Variants in ZBTB20 observed in about 807,000 individuals in gnomAD.
The protein encoded by ZBTB20 is zinc finger and BTB domain containing 20.
A neutral mutation model predicts 56.9 loss-of-function variants in ZBTB20; 9 were observed. The observed-to-expected ratio is 0.16, with a 90% CI of 0.10 to 0.28. The LOEUF is 0.28. Ranked by LOEUF, ZBTB20 falls within the 10% of genes least tolerant of loss-of-function variation. The probability of loss-of-function intolerance (pLI) is 1.00; values close to 1 mark genes in which losing one functional copy is unlikely to be tolerated. For synonymous variants in ZBTB20, 417 were observed against 420.7 expected (o/e 0.99, Z 0.11); for missense variants, 655 against 1,003.0 (o/e 0.65, Z 4.69).
At chr3:114,592,410 T>C (rs1465136371) in intron 6 of ZBTB20, among the ~76,000 whole-genome samples, 2 of 152,204 alleles carry the variant, frequency 1.3e-5, no homozygotes, top group African/African-American at 2.4e-5. Flanking sequence ...CTAGGATATT[T>C]CGTGGAATAA....
At chr3:114,482,965 A>T (rs2041720069) in intron 7 of ZBTB20, among the ~76,000 whole-genome samples, 1 of 152,200 alleles carries the variant, frequency 6.6e-6, no homozygotes, top group Non-Finnish European at 1.5e-5. Flanking sequence ...CCTGCAGCAC[A>T]AATATAGGCC....
At chr3:114,851,640 GTC>G (rs898479050) in intron 4 of ZBTB20, among the ~76,000 whole-genome samples, 18 of 151,838 alleles carry the variant, frequency 1.2e-4, no homozygotes, top group Non-Finnish European at 2.5e-4. Context: ...TTATTAGTGT[GTC>G]TCTTTTTTAT....
intron 4 of ZBTB20, among the ~76,000 whole-genome samples, chr3:114,877,084 T>G (rs2076226270): frequency 6.6e-6 from 1 of 152,212 alleles, no homozygotes; most frequent in African/African-American, 2.4e-5. Flanking sequence ...GATGGTAAAC[T>G]ATTTTTTTCA....
intron 2 of ZBTB20, among the ~76,000 whole-genome samples, chr3:115,025,959 C>T (rs1278384875): frequency 6.7e-6 from 1 of 150,120 alleles, no homozygotes; most frequent in Non-Finnish European, 1.5e-5. Flanking sequence ...TAAAATAATG[C>T]CTAACACAAA....
chr3:115,135,885 T>A (rs2084640048), intron 1 of ZBTB20, among the ~76,000 whole-genome samples: 1 of 152,154 alleles, frequency 6.6e-6, no homozygotes, highest in Non-Finnish European at 1.5e-5. Context: ...GTGTGAAATT[T>A]TATGAACATT....
intron 5 of ZBTB20, among the ~76,000 whole-genome samples, chr3:114,756,988 G>A (rs1291848693): frequency 6.6e-6 from 1 of 152,074 alleles, no homozygotes; most frequent in Non-Finnish European, 1.5e-5. Context: ...ATATTTTGTT[G>A]CTTTTCCCCT....
At chr3:114,742,434 T>G (rs1022447394) in intron 5 of ZBTB20, among the ~76,000 whole-genome samples, 1 of 152,124 alleles carries the variant, frequency 6.6e-6, no homozygotes, top group Non-Finnish European at 1.5e-5. Flanking sequence ...GCTTTACAGA[T>G]AAGGAAACTG....
chr3:114,401,614 C>A lies in ZBTB20; in HGVS notation c.-254-12509G>T, dbSNP rs1483864316. ...GTAATGTCAGGCACTTTTGCCCGAG[C>A]CACTTTCTTTGACGGAGATGACTTT... is the stretch of plus-strand genomic sequence containing the variant. On this transcript the variant is annotated intron_variant, in intron 7 of 11. Transcript: ENST00000675478. Among the ~76,000 whole-genome samples the A allele has an allele frequency of 2.6e-5, 4 of 152,128 alleles. No individual in the cohort carries two copies. In the East Asian group the frequency reaches 7.7e-4, roughly 29 times the overall value.
At chr3:115,042,756 T>G (rs1227860916) in intron 2 of ZBTB20, among the ~76,000 whole-genome samples, 2 of 152,222 alleles carry the variant, frequency 1.3e-5, no homozygotes, top group African/African-American at 4.8e-5. Context: ...GAGAGCTAAT[T>G]TGTTAGGTAA....
At chr3:114,538,882 A>G (rs2048783949) in intron 6 of ZBTB20, among the ~76,000 whole-genome samples, 1 of 152,188 alleles carries the variant, frequency 6.6e-6, no homozygotes, top group African/African-American at 2.4e-5. Flanking sequence ...CTGTGAAAGG[A>G]GTAGCTCCAT....
chr3:114,782,457 C>T (rs544815899), intron 5 of ZBTB20, among the ~76,000 whole-genome samples: 34 of 152,248 alleles, frequency 2.2e-4, no homozygotes, highest in South Asian at 8.3e-4. Flanking sequence ...TCTCTGATCT[C>T]TGTGCTGGGG....
intron 6 of ZBTB20, among the ~76,000 whole-genome samples, chr3:114,510,640 G>C (rs1439771751): frequency 6.6e-6 from 1 of 152,120 alleles, no homozygotes; most frequent in Non-Finnish European, 1.5e-5. Context: ...CAAAACAGCA[G>C]TGTGATCCTA....
intron 6 of ZBTB20, among the ~76,000 whole-genome samples, chr3:114,567,093 T>C (rs1273141858): frequency 6.6e-6 from 1 of 152,208 alleles, no homozygotes; most frequent in Non-Finnish European, 1.5e-5. Context: ...TGTGTGTATT[T>C]TCTCAGTGCA....
chr3:114,726,688 G>A (rs577093064), intron 5 of ZBTB20, among the ~76,000 whole-genome samples: 27 of 152,072 alleles, frequency 1.8e-4, no homozygotes, highest in Admixed American at 1.4e-3. Flanking sequence ...CAAGGTGGGC[G>A]GATCACGAGG....
intron 5 of ZBTB20, among the ~76,000 whole-genome samples, chr3:114,763,014 A>T (rs1462098359): frequency 1.3e-5 from 2 of 152,100 alleles, no homozygotes; most frequent in East Asian, 3.9e-4. Flanking sequence ...TAATTCCTAA[A>T]CTTATATATT....
intron 1 of ZBTB20, among the ~76,000 whole-genome samples, chr3:115,099,522 T>C (rs1326066133): frequency 2.0e-5 from 3 of 152,202 alleles, no homozygotes; most frequent in African/African-American, 7.2e-5. Flanking sequence ...AGATGCAATG[T>C]TTCTATGTGT....
intron 1 of ZBTB20, among the ~76,000 whole-genome samples, chr3:115,105,342 AT>A (rs1257518154): frequency 6.6e-6 from 1 of 152,208 alleles, no homozygotes; most frequent in East Asian, 1.9e-4. Flanking sequence ...AAAAAGAGAG[AT>A]TAAGTGACTT....
intron 4 of ZBTB20, among the ~76,000 whole-genome samples, chr3:114,867,659 T>C (rs1215759955): frequency 2.0e-5 from 3 of 152,062 alleles, no homozygotes; most frequent in African/African-American, 4.8e-5. Context: ...GGTCTCAAAC[T>C]CCTGGCCTCA....
At chr3:114,733,123 C>T (rs993642193) in intron 5 of ZBTB20, among the ~76,000 whole-genome samples, 1 of 152,104 alleles carries the variant, frequency 6.6e-6, no homozygotes, top group African/African-American at 2.4e-5. Context: ...AATGTAAACA[C>T]ATATATTATA....
Sources: gnomAD v4.1 joint callset for allele counts (sites outside exome capture counted in the v4.1 genomes callset) on GRCh38, gnomAD v4.1.1 for gene constraint, MANE v1.5 for transcripts, NCBI Gene and HGNC (gene_info 2026-07-23, HGNC 2026-07-21) for gene names.